GSE1: variants seen among roughly 807,000 people sequenced by gnomAD.
GSE1 encodes genetic suppressor element 1.
GSE1 carries 32 observed loss-of-function variants against 112.6 expected under a neutral mutation model. The observed-to-expected ratio is 0.28, with a 90% CI of 0.21 to 0.38. The LOEUF (loss-of-function observed/expected upper bound fraction) is 0.38, where lower values mean the gene tolerates loss of function less well. Ranked by LOEUF, GSE1 falls within the 10% of genes least tolerant of loss-of-function variation. GSE1 has a pLI of 1.00. For synonymous variants in GSE1, 1,115 were observed against 735.6 expected, an observed-to-expected ratio of 1.52 and a Z score of -8.35; for missense variants, 2,348 against 1,699.2, an observed-to-expected ratio of 1.38 and a Z score of -6.71.
At chr16:85,353,594 G>A (rs938159756) in intron 1 of GSE1, among the ~76,000 whole-genome samples, 1 of 152,190 alleles carries the variant, frequency 6.6e-6, no homozygotes, top group Admixed American at 6.5e-5. Flanking sequence ...AACTACCTGG[G>A]AAGCTGAGGC....
At chr16:85,399,018 G>A (rs1486295771) in intron 2 of GSE1, among the ~76,000 whole-genome samples, 1 of 152,098 alleles carries the variant, frequency 6.6e-6, no homozygotes, top group Non-Finnish European at 1.5e-5. Flanking sequence ...CTTGTGTGTG[G>A]TTGGCAGACA....
At chr16:85,624,375 T>C (rs1198122775) in intron 1 of GSE1, among the ~76,000 whole-genome samples, 1 of 152,210 alleles carries the variant, frequency 6.6e-6, no homozygotes, top group Non-Finnish European at 1.5e-5. Context: ...GGTTCCGGCC[T>C]CTAGCACAGG....
At chr16:85,241,555 G>GCACTC (rs1905173267) in intron 1 of GSE1, among the ~76,000 whole-genome samples, 1 of 151,474 alleles carries the variant, frequency 6.6e-6, no homozygotes, top group Non-Finnish European at 1.5e-5. Flanking sequence ...GCAGGGAGGG[G>GCACTC]GCCTTGGTGA....
At chr16:85,382,804 A>G (rs1266090013) in intron 2 of GSE1, among the ~76,000 whole-genome samples, 1 of 151,758 alleles carries the variant, frequency 6.6e-6, no homozygotes, top group African/African-American at 2.4e-5. Context: ...ACATGCACAC[A>G]CACTCATACA....
chr16:85,524,049 GC>G (rs1156404433), intron 2 of GSE1, among the ~76,000 whole-genome samples: 2 of 152,180 alleles, frequency 1.3e-5, no homozygotes, highest in Admixed American at 6.5e-5. Context: ...GGGTGGTGGG[GC>G]CAGGGCCAGC....
chr16:85,169,575 C>A, exon 1 of GSE1: 1 of 980,702 alleles, frequency 1.0e-6, no homozygotes, highest in South Asian at 4.6e-5. Flanking sequence ...TCATGGCAGC[C>A]GTGGGCGAGC....
rs570413574 is a variant in GSE1, at chr16:85,602,516, G to A, written c.38-46036G>A. The stretch of plus-strand genomic sequence containing the variant: ...GTGAGCGAGCTCCCCTGACCTTGCC[G>A]GATCCCTGCCCGACCCACATCTGTC... On this transcript the variant is annotated intron_variant, in intron 1 of 2. Coordinates refer to the GSE1 transcript ENST00000635906. 5.3e-5 allele frequency among the ~76,000 whole-genome samples: 8 copies of A among 152,138 alleles called. No individual in the cohort carries two copies. In the South Asian group the frequency reaches 8.3e-4, roughly 16 times the overall value.
At chr16:85,437,236 G>T (rs1408150076) in intron 2 of GSE1, among the ~76,000 whole-genome samples, 2 of 152,134 alleles carry the variant, frequency 1.3e-5, no homozygotes, top group African/African-American at 4.8e-5. Flanking sequence ...GGCTCCTGGG[G>T]TCACAGAGGC....
At chr16:85,565,447 G>C (rs2045706176) in intron 1 of GSE1, among the ~76,000 whole-genome samples, 1 of 151,672 alleles carries the variant, frequency 6.6e-6, no homozygotes, top group Admixed American at 6.6e-5. Flanking sequence ...CCCTGTGCTT[G>C]TTTAACACGT....
intron 1 of GSE1, among the ~76,000 whole-genome samples, chr16:85,597,348 T>C (rs1171989619): frequency 8.7e-6 from 1 of 115,168 alleles, no homozygotes; most frequent in African/African-American, 3.6e-5. Flanking sequence ...CACTCCAGCC[T>C]GGGCAACAGA....
chr16:85,559,392 C>T (rs1049621283), intron 1 of GSE1, among the ~76,000 whole-genome samples: 1 of 152,234 alleles, frequency 6.6e-6, no homozygotes, highest in African/African-American at 2.4e-5. Flanking sequence ...CAGCAGCCAG[C>T]ATGGCTTGCT....
At chr16:85,659,520 C>G (rs1442811134) in intron 8 of GSE1, 3 of 152,312 alleles carry the variant, frequency 2.0e-5, no homozygotes, top group Non-Finnish European at 4.4e-5. Context: ...ATGGTGACCT[C>G]CTGGGAGCGG....
chr16:85,293,465 G>C (rs753711703), intron 1 of GSE1, among the ~76,000 whole-genome samples: 2 of 152,182 alleles, frequency 1.3e-5, no homozygotes, highest in Admixed American at 6.5e-5. Context: ...AGAATCGCTT[G>C]AACCCGGGAG....
At chr16:85,342,524 C>T (rs1252731452) in intron 1 of GSE1, among the ~76,000 whole-genome samples, 7 of 152,226 alleles carry the variant, frequency 4.6e-5, no homozygotes, top group South Asian at 2.1e-4. Flanking sequence ...TGGGCCTCGG[C>T]AGCCCCACCA....
At chr16:85,409,356 C>A (rs1344430288) in intron 2 of GSE1, among the ~76,000 whole-genome samples, 8 of 42,710 alleles carry the variant, frequency 1.9e-4, no homozygotes, top group African/African-American at 3.5e-4. Context: ...CTGGATAATC[C>A]TCACTGTTAC....
intron 1 of GSE1, among the ~76,000 whole-genome samples, chr16:85,347,425 A>G (rs1187029903): frequency 6.6e-6 from 1 of 152,072 alleles, no homozygotes; most frequent in Non-Finnish European, 1.5e-5. Flanking sequence ...AGCCATGAGG[A>G]GGCGCTCTTG....
intron 1 of GSE1, among the ~76,000 whole-genome samples, chr16:85,253,519 G>A (rs1906742185): frequency 6.6e-6 from 1 of 152,206 alleles, no homozygotes; most frequent in Admixed American, 6.5e-5. Flanking sequence ...AGTCCCTCCT[G>A]TAGGCTGGTT....
chr16:85,650,999 C>A (rs1424928093), intron 3 of GSE1, among the ~76,000 whole-genome samples: 1 of 148,974 alleles, frequency 6.7e-6, no homozygotes, highest in Non-Finnish European at 1.5e-5. Context: ...GGAACCCTTG[C>A]TCTAATCACC....
intron 1 of GSE1, among the ~76,000 whole-genome samples, chr16:85,321,530 A>G (rs2046106856): frequency 6.6e-6 from 1 of 152,176 alleles, no homozygotes; most frequent in Non-Finnish European, 1.5e-5. Flanking sequence ...ACACTTGGGG[A>G]GACTGAGGCA....
Sources: allele counts gnomAD v4.1 joint callset (sites outside exome capture counted in the v4.1 genomes callset), GRCh38; gene constraint gnomAD v4.1.1; transcripts MANE v1.5; gene names NCBI Gene and HGNC (gene_info 2026-07-23, HGNC 2026-07-21).